Variants in RBFOX3 observed in about 807,000 individuals in gnomAD.
RBFOX3 encodes RNA binding fox-1 homolog 3.
RBFOX3 carries 17 observed loss-of-function variants against 48.7 expected under a neutral mutation model. The ratio of observed to expected loss-of-function variants is 0.35; its 90% CI spans 0.24 to 0.52. The LOEUF (loss-of-function observed/expected upper bound fraction) is 0.52. Ranked by LOEUF, RBFOX3 falls within the 20% of genes least tolerant of loss-of-function variation. The probability of loss-of-function intolerance (pLI) is 0.94; values close to 1 mark genes in which losing one functional copy is unlikely to be tolerated. For synonymous variants in RBFOX3, 212 were observed against 209.5 expected (o/e 1.01, Z -0.10); for missense variants, 382 against 497.5 (o/e 0.77, Z 2.21).
intron 2 of RBFOX3, among the ~76,000 whole-genome samples, chr17:79,461,153 G>T (rs1255925673): frequency 6.6e-6 from 1 of 152,140 alleles, no homozygotes; most frequent in Non-Finnish European, 1.5e-5. Context: ...GTTGTTGGGG[G>T]TACACATTAC....
At chr17:79,217,974 G>A (rs960135221) in intron 4 of RBFOX3, among the ~76,000 whole-genome samples, 14 of 152,054 alleles carry the variant, frequency 9.2e-5, no homozygotes, top group South Asian at 2.1e-4. Flanking sequence ...ATTTGATCGG[G>A]GCAGGCGGGG....
intron 3 of RBFOX3, among the ~76,000 whole-genome samples, chr17:79,289,845 CAT>C (rs1401927141): frequency 2.0e-5 from 3 of 152,234 alleles, no homozygotes; most frequent in Non-Finnish European, 2.9e-5. Flanking sequence ...CTGTAGTGAA[CAT>C]GACATCAATA....
At chr17:79,374,967 T>C (rs1057314199) in intron 2 of RBFOX3, among the ~76,000 whole-genome samples, 1 of 152,092 alleles carries the variant, frequency 6.6e-6, no homozygotes, top group Non-Finnish European at 1.5e-5. Context: ...CTCTCCCTCC[T>C]GCCCCAGCCC....
At chr17:79,185,639 CCAGG>C (rs1163446031) in intron 4 of RBFOX3, among the ~76,000 whole-genome samples, 2 of 152,184 alleles carry the variant, frequency 1.3e-5, no homozygotes, top group Non-Finnish European at 2.9e-5. Context: ...CAGCCGAAAC[CCAGG>C]CTCCAGATCC....
At chr17:79,570,813 A>G (rs916698740) in intron 1 of RBFOX3, among the ~76,000 whole-genome samples, 105,079 of 152,110 alleles carry the variant, frequency 0.69, 36,492 homozygotes, top group East Asian at 0.86. Flanking sequence ...CAGGGCTCAC[A>G]TCTTTCCAGG....
chr17:79,156,971 G>T (rs1204361707), intron 4 of RBFOX3, among the ~76,000 whole-genome samples: 1 of 152,198 alleles, frequency 6.6e-6, no homozygotes, highest in Non-Finnish European at 1.5e-5. Context: ...TCCCTGGCAA[G>T]CTACAGAGCC....
chr17:79,183,684 CAA>C (rs1555738232), intron 4 of RBFOX3, among the ~76,000 whole-genome samples: 3 of 152,182 alleles, frequency 2.0e-5, no homozygotes, highest in African/African-American at 2.4e-5. Context: ...GCCCTGTCTG[CAA>C]AGAGTGGTGC....
At chr17:79,428,332 G>A (rs1432394339) in intron 2 of RBFOX3, among the ~76,000 whole-genome samples, 5 of 152,216 alleles carry the variant, frequency 3.3e-5, no homozygotes, top group African/African-American at 1.2e-4. Context: ...ACGGTCTCCT[G>A]CAGACCCACC....
the RBFOX3 span, among the ~76,000 whole-genome samples, chr17:79,638,722 A>G: frequency 6.6e-6 from 1 of 152,148 alleles, no homozygotes; most frequent in Non-Finnish European, 1.5e-5. Flanking sequence ...TTCTTGCTCT[A>G]TTAGTTCCTG....
At chr17:79,519,496 C>A (rs2085747502) in intron 1 of RBFOX3, among the ~76,000 whole-genome samples, 1 of 152,244 alleles carries the variant, frequency 6.6e-6, no homozygotes, top group Non-Finnish European at 1.5e-5. Flanking sequence ...CCCTGCTTCC[C>A]TGCTGAGAGG....
chr17:79,248,734 C>T (rs2063515989), intron 3 of RBFOX3, among the ~76,000 whole-genome samples: 1 of 152,206 alleles, frequency 6.6e-6, no homozygotes, highest in African/African-American at 2.4e-5. Context: ...TCCCTAGGCA[C>T]AGGTAAGGAG....
rs576874111 is a variant in RBFOX3 at position 79,482,063 on chromosome 17, G to A, written c.-175+391C>T. 2.8e-3 allele frequency among the ~76,000 whole-genome samples: 419 copies of A among 152,242 alleles called. 2 individuals carry two copies. Among genetic ancestry groups the A allele is most frequent in the South Asian group, 0.027 (129 of 4,814 alleles). ...GGCTTCAGGGCCCTCCCTGAGCCGC[G>A]GAGCAATCTGGGCAGCAGAACACGA... is the stretch of plus-strand genomic sequence containing the variant. On this transcript the variant is annotated intron_variant, in intron 2 of 14. Coordinates refer to ENST00000693108, the MANE Select transcript of RBFOX3 (RefSeq NM_001350451.2). This position sits in a 1 kb window ranked among gnomAD's most constrained non-coding sequence, Gnocchi z 4.1.
intron 3 of RBFOX3, among the ~76,000 whole-genome samples, chr17:79,277,289 T>C (rs1043861340): frequency 1.2e-5 from 1 of 81,042 alleles, no homozygotes; most frequent in Admixed American, 1.3e-4. Context: ...CCTCCAAGGA[T>C]TCCAATGGTG....
At chr17:79,095,900 T>G (rs1599387710) in intron 12 of RBFOX3, among the ~76,000 whole-genome samples, 1 of 152,120 alleles carries the variant, frequency 6.6e-6, no homozygotes, top group African/African-American at 2.4e-5. Flanking sequence ...TACCCATGAC[T>G]CATCTGGCTG....
intron 4 of RBFOX3, among the ~76,000 whole-genome samples, chr17:79,224,259 C>A (rs1275593362): frequency 6.6e-6 from 1 of 152,160 alleles, no homozygotes; most frequent in Non-Finnish European, 1.5e-5. Flanking sequence ...CCGATGGCTG[C>A]CAGCTGTCAT....
chr17:79,424,742 G>A (rs1057155934), intron 2 of RBFOX3, among the ~76,000 whole-genome samples: 1 of 152,300 alleles, frequency 6.6e-6, no homozygotes, highest in East Asian at 1.9e-4. Flanking sequence ...CGGAGCTCCA[G>A]CTGCCACCTC....
chr17:79,177,566 T>C (rs891445139), intron 4 of RBFOX3, among the ~76,000 whole-genome samples: 6 of 152,152 alleles, frequency 3.9e-5, no homozygotes, highest in Admixed American at 1.3e-4. Context: ...CCCATACCGG[T>C]TGGAGAGCCA....
rs955394573 is a variant in RBFOX3 at position 79,392,386 on chromosome 17, A to C, written c.-174-84562T>G. On this transcript the variant is annotated intron_variant, in intron 2 of 14. Transcript: ENST00000693108. The surrounding 1 kb of genome is among the most constrained non-coding windows in gnomAD (Gnocchi z 5.0). The stretch of plus-strand genomic sequence containing the variant: ...CGTCTTTCATTGTGGAGTTGTGAAG[A>C]TTCATAAGCTAACTCTCACACGGTA... Among the ~76,000 whole-genome samples the C allele has an allele frequency of 5.9e-5, 9 of 152,168 alleles. No individual in the cohort carries two copies. Among genetic ancestry groups the C allele is most frequent in the African/African-American group, 2.2e-4 (9 of 41,506 alleles).
intron 4 of RBFOX3, among the ~76,000 whole-genome samples, chr17:79,150,591 G>A (rs1347121462): frequency 1.3e-5 from 2 of 152,152 alleles, no homozygotes; most frequent in African/African-American, 4.8e-5. Flanking sequence ...GGGAGGTGCA[G>A]GGCCACCAGA....
Sources: allele counts gnomAD v4.1 joint callset (sites outside exome capture counted in the v4.1 genomes callset), GRCh38; gene constraint gnomAD v4.1.1; non-coding constraint Gnocchi (gnomAD v3.1); transcripts MANE v1.5; gene names NCBI Gene and HGNC (gene_info 2026-07-23, HGNC 2026-07-21).